The following PTCHD4 variants were observed in gnomAD, a reference collection of about 807,000 sequenced individuals.
The protein encoded by PTCHD4 is patched domain containing 4.
PTCHD4 carries 33 observed loss-of-function variants against 58.1 expected under a neutral mutation model. The observed-to-expected ratio is 0.57, with a 90% CI of 0.43 to 0.76. The LOEUF is 0.76. Ranked by LOEUF, PTCHD4 falls within the 30% of genes least tolerant of loss-of-function variation. The pLI, the probability that PTCHD4 is intolerant of heterozygous loss-of-function variation, is 0.00. For missense variants in PTCHD4, 1,058 were observed against 1,027.1 expected (o/e 1.03, Z -0.41); for synonymous variants, 478 against 409.6 (o/e 1.17, Z -2.02).
At chr6:48,036,759 C>T (rs1035212553) in intron 3 of PTCHD4, among the ~76,000 whole-genome samples, 6 of 152,012 alleles carry the variant, frequency 3.9e-5, no homozygotes, top group African/African-American at 1.4e-4. Context: ...AAAAAAGTCA[C>T]ATGCTAAGGT....
At chr6:47,930,621 G>A (rs1765783870) in intron 4 of PTCHD4, among the ~76,000 whole-genome samples, 1 of 152,140 alleles carries the variant, frequency 6.6e-6, no homozygotes, top group Non-Finnish European at 1.5e-5. Context: ...AAGGTACACA[G>A]AGTTCTATGA....
At chr6:48,010,149 G>A (rs531698652) in intron 3 of PTCHD4, among the ~76,000 whole-genome samples, 6 of 152,218 alleles carry the variant, frequency 3.9e-5, no homozygotes, top group Admixed American at 6.5e-5. Context: ...GTAGCAGGTT[G>A]CATGATGAAG....
intron 1 of PTCHD4, among the ~76,000 whole-genome samples, chr6:48,101,702 T>C (rs1197644291): frequency 6.6e-6 from 1 of 152,178 alleles, no homozygotes; most frequent in African/African-American, 2.4e-5. Flanking sequence ...TCCAGTCCTA[T>C]GTCATCATCA....
rs1763550554 is a variant in PTCHD4 at position 47,865,864 on chromosome 6, T to C, written c.*12439A>G. On this transcript the variant is annotated 3_prime_UTR_variant, in exon 5 of 5. Coordinates refer to ENST00000339488, the MANE Select transcript of PTCHD4 (RefSeq NM_001384253.1). ...CTGCAGCATGATGTTTGCAGGTCCT[T>C]ATATGAAACTTTCTGGTTTGTACAA... Among the ~76,000 whole-genome samples, 1 of 151,874 alleles carries C rather than the reference T, an allele frequency of 6.6e-6. No individual in the cohort carries two copies.
intron 4 of PTCHD4, among the ~76,000 whole-genome samples, chr6:47,964,121 G>A (rs778105146): frequency 6.6e-6 from 1 of 152,170 alleles, no homozygotes; most frequent in African/African-American, 2.4e-5. Context: ...GAAGCAGAGA[G>A]TAGAATAGTG....
intron 4 of PTCHD4, among the ~76,000 whole-genome samples, chr6:47,983,386 G>T (rs901019776): frequency 7.2e-4 from 110 of 152,150 alleles, no homozygotes; most frequent in African/African-American, 2.6e-3. Context: ...CAAGACAAAC[G>T]TTTAGTTCTC....
intron 4 of PTCHD4, among the ~76,000 whole-genome samples, chr6:47,933,184 A>C (rs1765882543): frequency 6.6e-6 from 1 of 152,220 alleles, no homozygotes; most frequent in Non-Finnish European, 1.5e-5. Flanking sequence ...CCAGGTTGAC[A>C]TCTGAAATGA....
At chr6:47,937,686 G>A (rs1038235955) in intron 4 of PTCHD4, among the ~76,000 whole-genome samples, 12 of 152,150 alleles carry the variant, frequency 7.9e-5, no homozygotes, top group African/African-American at 2.4e-4. Context: ...AATGCCAGGG[G>A]ACTGGATGAT....
chr6:48,065,868 G>A (rs1349211307), intron 3 of PTCHD4, among the ~76,000 whole-genome samples: 3 of 152,166 alleles, frequency 2.0e-5, no homozygotes, highest in Non-Finnish European at 4.4e-5. Flanking sequence ...TAGCTAATGT[G>A]TAACACTTCT....
rs1347108566 is a variant in PTCHD4, at chr6:47,875,711, A to C, written c.*2592T>G. On this transcript the variant is annotated 3_prime_UTR_variant, in exon 5 of 5. Transcript: ENST00000339488. ...GTTTTTCCCTATCTAAACAGAGACTATCTGGATGGAGACATAATATTAGAT... is the reference window on the plus strand; with the variant it reads ...GTTTTTCCCTATCTAAACAGAGACTCTCTGGATGGAGACATAATATTAGAT... Among the ~76,000 whole-genome samples the C allele has an allele frequency of 1.3e-5, 2 of 151,860 alleles. No homozygotes were observed. The highest frequency in any genetic ancestry group is 2.9e-5 in the Non-Finnish European group (2 of 67,904).
At position 47,878,324 on chromosome 6, in the gene PTCHD4, C is replaced by T. The variant is rs377603555; in HGVS notation, c.2511G>A (p.Pro837=). 26 of 1,599,664 alleles carry T rather than the reference C, an allele frequency of 1.6e-5. No homozygotes were observed. The highest frequency in any genetic ancestry group is 1.1e-4 in the African/African-American group (8 of 74,238). Reference sequence around the variant, plus strand: ...CCCCTCATACTGTGGTGACGTGATCCGGGTTCTCTTGAATTTCTATGCATT... The same window carrying T: ...CCCCTCATACTGTGGTGACGTGATCTGGGTTCTCTTGAATTTCTATGCATT... ...EIECIEIQEN[P]DHVTTV The change falls in exon 5 of 5, where the codon CCG becomes CCA. Residue 837 remains proline, a synonymous_variant. Transcript: ENST00000339488.
At chr6:48,011,473 T>C (rs1046853410) in intron 3 of PTCHD4, among the ~76,000 whole-genome samples, 2 of 152,120 alleles carry the variant, frequency 1.3e-5, no homozygotes, top group African/African-American at 2.4e-5. Flanking sequence ...TGGATATTAG[T>C]TCTTTGTCAG....
chr6:48,002,697 C>T (rs1004544913), intron 4 of PTCHD4, among the ~76,000 whole-genome samples: 4 of 151,972 alleles, frequency 2.6e-5, no homozygotes, highest in Non-Finnish European at 4.4e-5. Context: ...CAACATGGCA[C>T]ATGTATATAT....
intron 1 of PTCHD4, among the ~76,000 whole-genome samples, chr6:48,080,001 C>CTTTTTTTTTT (rs1765134174): frequency 1.6e-5 from 1 of 64,326 alleles, no homozygotes; most frequent in African/African-American, 5.6e-5. Context: ...TTTTTTTTTG[C>CTTTTTTTTTT]CCTTCAGACT....
chr6:48,010,218 T>C (rs1344909026), intron 3 of PTCHD4, among the ~76,000 whole-genome samples: 1 of 152,206 alleles, frequency 6.6e-6, no homozygotes, highest in Non-Finnish European at 1.5e-5. Context: ...GGTATGTTTA[T>C]GTCACAGTAG....
At chr6:47,897,889 G>GT (rs1366211906) in intron 4 of PTCHD4, among the ~76,000 whole-genome samples, 6 of 148,476 alleles carry the variant, frequency 4.0e-5, no homozygotes, top group East Asian at 3.9e-4. Context: ...TGAAGCTGCG[G>GT]TTTTTTATTC....
intron 3 of PTCHD4, among the ~76,000 whole-genome samples, chr6:48,052,080 T>A (rs908214979): frequency 6.6e-6 from 1 of 152,006 alleles, no homozygotes; most frequent in Non-Finnish European, 1.5e-5. Context: ...ACAGAATACA[T>A]CTCTTTTGAG....
At chr6:47,888,989 A>G (rs1433055689) in intron 4 of PTCHD4, among the ~76,000 whole-genome samples, 1 of 47,248 alleles carries the variant, frequency 2.1e-5, no homozygotes, top group African/African-American at 8.6e-5. Context: ...ACATGAACTC[A>G]TCATTTTTTA....
intron 4 of PTCHD4, among the ~76,000 whole-genome samples, chr6:47,947,599 G>T (rs1766474911): frequency 6.6e-6 from 1 of 151,892 alleles, no homozygotes; most frequent in Non-Finnish European, 1.5e-5. Context: ...ATACTTCAGT[G>T]CATTAAAGAT....
Sources: allele counts gnomAD v4.1 joint callset (sites outside exome capture counted in the v4.1 genomes callset), GRCh38; gene constraint gnomAD v4.1.1; transcripts MANE v1.5; gene names NCBI Gene and HGNC (gene_info 2026-07-23, HGNC 2026-07-21).